Variants in MAP2K5 observed in about 807,000 individuals in gnomAD.
The protein encoded by MAP2K5 is dual specificity mitogen-activated protein kinase kinase 5.
MAP2K5 carries 49 observed loss-of-function variants against 83.1 expected under a neutral mutation model. That is an observed-to-expected ratio of 0.59 (90% CI 0.47 to 0.75). The LOEUF is 0.75. Ranked by LOEUF, MAP2K5 falls within the 30% of genes least tolerant of loss-of-function variation. The pLI is 0.00. For synonymous variants in MAP2K5, 202 were observed against 191.8 expected, an observed-to-expected ratio of 1.05 and a Z score of -0.44; for missense variants, 457 against 557.5, an observed-to-expected ratio of 0.82 and a Z score of 1.82.
chr15:67,797,186 C>A (rs932222159), intron 21 of MAP2K5, among the ~76,000 whole-genome samples: 2 of 152,186 alleles, frequency 1.3e-5, no homozygotes, highest in Admixed American at 1.3e-4. Context: ...TATCACAGTC[C>A]AGAATTTCAT....
At position 67,805,697 on chromosome 15, in the gene MAP2K5, T is replaced by G. The variant is rs377381141; in HGVS notation, c.1243-949T>G. ...CATCTCCCCCATTCTCTGTCCTCGCTATGGCTCCCCGAGTCTCACCATGCA... is the reference window on the plus strand; with the variant it reads ...CATCTCCCCCATTCTCTGTCCTCGCGATGGCTCCCCGAGTCTCACCATGCA... On this transcript the variant is annotated intron_variant, in intron 21 of 21. Coordinates refer to ENST00000178640, the MANE Select transcript of MAP2K5 (RefSeq NM_145160.3). Among the ~76,000 whole-genome samples, 11 of 152,194 alleles carry G rather than the reference T, an allele frequency of 7.2e-5. No individual in the cohort carries two copies. The East Asian group carries it at 9.6e-4, about 13-fold the overall frequency.
rs555529019 is a variant in MAP2K5, at chr15:67,724,171, A to G, written c.1045-3745A>G. Among the ~76,000 whole-genome samples, 3 of 152,226 alleles carry G rather than the reference A, an allele frequency of 2.0e-5. No individual in the cohort carries two copies. The highest frequency in any genetic ancestry group is 2.1e-4 in the South Asian group (1 of 4,836). ...TGCAGGCCATTTCAGAGAAGATTACATACTCTCTTTTGTAAGTTTCCTAAT... is the reference window on the plus strand; with the variant it reads ...TGCAGGCCATTTCAGAGAAGATTACGTACTCTCTTTTGTAAGTTTCCTAAT... On this transcript the variant is annotated intron_variant, in intron 16 of 21. Coordinates refer to ENST00000178640, the MANE Select transcript of MAP2K5 (RefSeq NM_145160.3). This position sits in a 1 kb window ranked among gnomAD's most constrained non-coding sequence, Gnocchi z 4.4.
chr15:67,806,691 G>T lies in MAP2K5; in HGVS notation c.1288G>T (p.Val430Leu), dbSNP rs1162673447. 6.4e-7 allele frequency: 1 copy of T among 1,551,778 alleles called. No individual in the cohort carries two copies. The highest frequency in any genetic ancestry group is 8.7e-7 in the Non-Finnish European group (1 of 1,147,528). ...VQFNDGNAAV[V>L]SMWVCRALEE... Reference sequence around the variant, plus strand: ...GTTCAATGATGGAAATGCCGCCGTGGTGTCCATGTGGGTGTGCCGGGCGCT... The same window carrying T: ...GTTCAATGATGGAAATGCCGCCGTGTTGTCCATGTGGGTGTGCCGGGCGCT... Residue 430 changes from valine to leucine, a missense_variant, in exon 22 of 22, where the codon GTG (valine) becomes TTG (leucine). Physicochemically the swap from Val to Leu is conservative, Grantham distance 32. This residue lies in a region of MAP2K5 where 55 missense variants were observed against 50.9 expected (regional missense o/e 1.08). Transcript: ENST00000178640.
chr15:67,613,677 A>G (rs2085985837), intron 8 of MAP2K5, among the ~76,000 whole-genome samples: 1 of 152,036 alleles, frequency 6.6e-6, no homozygotes, highest in Admixed American at 6.6e-5. Flanking sequence ...TGTCAACAGT[A>G]TTGTGGGCAG....
Position 67,638,868 on chromosome 15 carries a change from C to A in MAP2K5, c.586-7363C>A, listed in dbSNP as rs1039267143. Among the ~76,000 whole-genome samples, 5 of 152,158 alleles carry A rather than the reference C, an allele frequency of 3.3e-5. No individual in the cohort carries two copies. Among genetic ancestry groups the A allele is most frequent in the African/African-American group, 7.2e-5 (3 of 41,418 alleles). On this transcript the variant is annotated intron_variant, in intron 9 of 21. Coordinates refer to ENST00000178640, the MANE Select transcript of MAP2K5 (RefSeq NM_145160.3). The surrounding 1 kb of genome is among the most constrained non-coding windows in gnomAD (Gnocchi z 4.5). ...ATAGGATTGTTGGCCTCGTGTATAT[C>A]TTCTTTTGAGAAGTGTCTGTTCGTG...
In MAP2K5 at chr15:67,786,015, G is replaced by GTT. The variant is rs1360008309; in HGVS notation, c.1242+13264_1242+13265dup. ...TTCACAGGGGGCTTTTAGCTGTTAG[G>GTT]TTGTTTTTTTTTTTTTAACTTACAG... is the stretch of plus-strand genomic sequence containing the variant. On this transcript the variant is annotated intron_variant, in intron 21 of 21. Transcript: ENST00000178640. This position sits in a 1 kb window ranked among gnomAD's most constrained non-coding sequence, Gnocchi z 4.7. 1.9e-5 allele frequency among the ~76,000 whole-genome samples: 2 copies of GTT among 103,096 alleles called. No individual in the cohort carries two copies. The highest frequency in any genetic ancestry group is 7.7e-5 in the African/African-American group (2 of 26,086). 67.6% of individuals were successfully genotyped at this position (103,096 alleles called of 152,430 possible). A position where few individuals can be genotyped will look rare whatever the true frequency, so the allele number is the denominator to read the frequency against.
At chr15:67,707,386 T>C (rs1228021233) in intron 16 of MAP2K5, among the ~76,000 whole-genome samples, 1 of 152,244 alleles carries the variant, frequency 6.6e-6, no homozygotes, top group Non-Finnish European at 1.5e-5. Flanking sequence ...GAAGTGTGAA[T>C]CTCAATAGCA....
intron 8 of MAP2K5, among the ~76,000 whole-genome samples, chr15:67,624,417 C>T (rs938070119): frequency 1.3e-5 from 2 of 150,956 alleles, no homozygotes; most frequent in Non-Finnish European, 2.9e-5. Context: ...CCCATTTGCT[C>T]TTCTGCCTCC....
chr15:67,804,524 C>T (rs772762764), intron 21 of MAP2K5, among the ~76,000 whole-genome samples: 6 of 152,274 alleles, frequency 3.9e-5, no homozygotes, highest in Non-Finnish European at 7.3e-5. Context: ...CCTCTCCCCT[C>T]GCCTACCGGG....
intron 19 of MAP2K5, among the ~76,000 whole-genome samples, chr15:67,767,975 A>C (rs2090072071): frequency 6.6e-6 from 1 of 152,160 alleles, no homozygotes; most frequent in Admixed American, 6.5e-5. Context: ...GGATGAATAG[A>C]TTAAATTTAA....
At chr15:67,682,169 A>G (rs116302598) in intron 13 of MAP2K5, among the ~76,000 whole-genome samples, 1,739 of 152,224 alleles carry the variant, frequency 0.011, 43 homozygotes, top group African/African-American at 0.041. Context: ...CTTCGAGTGA[A>G]GCTGAAAACA....
Position 67,724,058 on chromosome 15 carries a change from C to T in MAP2K5, c.1045-3858C>T, listed in dbSNP as rs1026410116. Among the ~76,000 whole-genome samples, 14 of 152,112 alleles carry T rather than the reference C, an allele frequency of 9.2e-5. No individual in the cohort carries two copies. Among genetic ancestry groups the T allele is most frequent in the Admixed American group, 3.9e-4 (6 of 15,276 alleles). On this transcript the variant is annotated intron_variant, in intron 16 of 21. Transcript: ENST00000178640. This position sits in a 1 kb window ranked among gnomAD's most constrained non-coding sequence, Gnocchi z 4.4. The stretch of plus-strand genomic sequence containing the variant: ...CCTCTTGAGTGCTGATTGCCTTGCC[C>T]GACCCCTAGTGATACAGAAACAGGC...
intron 8 of MAP2K5, chr15:67,629,086 A>G (rs939941871): frequency 7.5e-5 from 55 of 736,226 alleles, no homozygotes; most frequent in East Asian, 3.7e-4. Flanking sequence ...CAAGGTGGCC[A>G]TGGCGGTTCC....
rs546155997 is a variant in MAP2K5, at chr15:67,598,767, A to AGT, written c.481-1915_481-1914dup. Among the ~76,000 whole-genome samples, 4 of 152,286 alleles carry AGT rather than the reference A, an allele frequency of 2.6e-5. No homozygotes were observed. The East Asian group carries it at 7.7e-4, about 29-fold the overall frequency. ...TGACTGCAGACTGTGGCCCCTCCAGAGTGTAGACTCTATCTACTACATAGC... is the reference window on the plus strand; with the variant it reads ...TGACTGCAGACTGTGGCCCCTCCAGAGTGTGTAGACTCTATCTACTACATAGC... On this transcript the variant is annotated intron_variant, in intron 7 of 21. Coordinates refer to ENST00000178640, the MANE Select transcript of MAP2K5 (RefSeq NM_145160.3).
intron 3 of MAP2K5, among the ~76,000 whole-genome samples, chr15:67,568,818 A>G (rs1453095376): frequency 6.6e-6 from 1 of 151,826 alleles, no homozygotes; most frequent in African/African-American, 2.4e-5. Flanking sequence ...CATCCTGACT[A>G]ACACTGTGAA....
intron 16 of MAP2K5, among the ~76,000 whole-genome samples, chr15:67,710,505 T>G (rs1473793666): frequency 1.4e-5 from 2 of 145,326 alleles, no homozygotes; most frequent in African/African-American, 2.6e-5. Flanking sequence ...AAGTTTTTTT[T>G]TTTTTTTTTT....
chr15:67,732,992 G>C (rs2089256201), intron 17 of MAP2K5, among the ~76,000 whole-genome samples: 1 of 152,178 alleles, frequency 6.6e-6, no homozygotes, highest in Non-Finnish European at 1.5e-5. Context: ...GGGCGAATCT[G>C]TACTCACACC....
intron 13 of MAP2K5, among the ~76,000 whole-genome samples, chr15:67,688,850 C>T (rs1306477789): frequency 1.3e-5 from 2 of 152,030 alleles, no homozygotes; most frequent in African/African-American, 4.8e-5. Flanking sequence ...TGTCTCCTAG[C>T]CCAGATTCAT....
intron 7 of MAP2K5, among the ~76,000 whole-genome samples, chr15:67,594,549 CA>C (rs1447634730): frequency 6.6e-6 from 1 of 152,020 alleles, no homozygotes; most frequent in African/African-American, 2.4e-5. Flanking sequence ...TTTTCCACTG[CA>C]AAAAATAAGC....
Sources: gnomAD v4.1 joint callset for allele counts (sites outside exome capture counted in the v4.1 genomes callset) on GRCh38, gnomAD v4.1.1 for gene constraint, gnomAD v4.1.1 regional missense constraint, Gnocchi (gnomAD v3.1) non-coding constraint, MANE v1.5 for transcripts, NCBI Gene and HGNC (gene_info 2026-07-23, HGNC 2026-07-21) for gene names.